Variants in MLF2 observed in about 807,000 individuals in gnomAD.
The protein encoded by MLF2 is myeloid leukemia factor 2, also known as myelodysplasia-myeloid leukemia factor 2.
Under a neutral mutation model 31.4 loss-of-function variants are expected in MLF2, and 12 were observed. That is an observed-to-expected ratio of 0.38 (90% CI 0.24 to 0.62). The LOEUF is 0.62. Among genes scored for constraint, MLF2 ranks in the 20% least tolerant of loss-of-function variants. The pLI, the probability that MLF2 is intolerant of heterozygous loss-of-function variation, is 0.58. For missense variants in MLF2, 272 were observed against 359.7 expected (o/e 0.76, Z 1.97); for synonymous variants, 109 against 118.8 (o/e 0.92, Z 0.54).
At chr12:6,751,845 T>A (rs1337360621) in intron 3 of MLF2, 80 bp downstream of exon 3, 5 of 1,589,980 alleles carry the variant, frequency 3.1e-6, no homozygotes, top group African/African-American at 1.3e-5. Flanking sequence ...CTCAGTTGGC[T>A]GTAGTGCAAG....
Position 6,750,220 on chromosome 12 carries a change from T to A in MLF2, c.356A>T (p.Lys119Met). The A allele has an allele frequency of 6.2e-7, 1 of 1,614,162 alleles. No homozygotes were observed. Among genetic ancestry groups the A allele is most frequent in the Non-Finnish European group, 8.5e-7 (1 of 1,180,030 alleles). Residue 119 changes from lysine (K) to methionine (M), a missense_variant, in exon 6 of 9, where the codon AAG becomes ATG. Lys to Met is a moderately conservative substitution (Grantham distance 95). Coordinates refer to ENST00000203630, the MANE Select transcript of MLF2 (RefSeq NM_001382226.1). This position sits in a 1 kb window ranked among gnomAD's most constrained non-coding sequence, Gnocchi z 5.3. The stretch of plus-strand genomic sequence containing the variant: ...CATCTCTGATGTCTCTTGGTAGACC[T>A]TGGGGGCACCATCACCCGTATTGGA... Reference protein sequence around the residue: ...SYSNTGDGAPKVYQETSEMRS... With the variant: ...SYSNTGDGAPMVYQETSEMRS...
chr12:6,751,301 T>C, intron 4 of MLF2: 1 of 304,342 alleles, frequency 3.3e-6, no homozygotes. Context: ...CACTGCAATC[T>C]CCACCTCCCG....
chr12:6,749,983 G>A lies in MLF2; in HGVS notation c.424C>T (p.Arg142Trp). 3 of 1,614,142 alleles carry A rather than the reference G, an allele frequency of 1.9e-6. No homozygotes were observed. Among genetic ancestry groups the A allele is most frequent in the Non-Finnish European group, 2.5e-6 (3 of 1,180,040 alleles). Reference sequence around the variant, plus strand: ...TGCTCCAGTCCACTGTCTGAATCCCGAACAGTCCTCCGTGTCTCCCGGATC... The same window carrying A: ...TGCTCCAGTCCACTGTCTGAATCCCAAACAGTCCTCCGTGTCTCCCGGATC... ...GGIRETRRTV[R>W]DSDSGLEQMS... Residue 142 changes from arginine to tryptophan, a missense_variant, in exon 7 of 9, where the codon CGG (arginine) becomes TGG (tryptophan). By Grantham distance (101) the Arg-to-Trp change is moderately radical. Transcript: ENST00000203630. This position sits in a 1 kb window ranked among gnomAD's most constrained non-coding sequence, Gnocchi z 5.3.
Position 6,748,645 on chromosome 12 carries a change from A to G in MLF2, c.*26-98T>C. ...TTTAATCCCCTATGTCAGTGAGAAC[A>G]TTGTTCTCTTTCCATGTCAACTTGT... is the stretch of plus-strand genomic sequence containing the variant. On this transcript the variant is annotated intron_variant, in intron 8 of 8. Transcript: ENST00000203630. This position sits in a 1 kb window ranked among gnomAD's most constrained non-coding sequence, Gnocchi z 4.6. 3 of 752,712 alleles carry G rather than the reference A, an allele frequency of 4.0e-6. No homozygotes were observed. The highest frequency in any genetic ancestry group is 6.3e-6 in the Non-Finnish European group (3 of 478,460). The allele number at this position is 752,712 out of a possible 1,614,324, so 46.6% of individuals were successfully genotyped here. A position where few individuals can be genotyped will look rare whatever the true frequency, so the allele number is the denominator to read the frequency against.
In MLF2 at chr12:6,750,952, C is replaced by T; in HGVS notation, c.217-186G>A. On this transcript the variant is annotated intron_variant, in intron 4 of 8. Transcript: ENST00000203630. The surrounding 1 kb of genome is among the most constrained non-coding windows in gnomAD (Gnocchi z 5.3). ...CTCATATTTCTCCTCCTGTGAACTG[C>T]TGACCCCTTCCTCAGTCTCTGTGAC... 1 of 598,820 alleles carries T rather than the reference C, an allele frequency of 1.7e-6. No homozygotes were observed. Among genetic ancestry groups the T allele is most frequent in the Non-Finnish European group, 3.0e-6 (1 of 329,378 alleles). 37.1% of individuals were successfully genotyped at this position (598,820 alleles called of 1,614,324 possible).
At position 6,748,756 on chromosome 12, in the gene MLF2, C is replaced by A; in HGVS notation, c.*25+14G>T. The A allele has an allele frequency of 6.7e-7, 1 of 1,488,074 alleles. No individual in the cohort carries two copies. Among genetic ancestry groups the A allele is most frequent in the African/African-American group, 1.5e-5 (1 of 68,610 alleles). 92.2% of individuals were successfully genotyped at this position (1,488,074 alleles called of 1,614,324 possible). On this transcript the variant is annotated intron_variant, in intron 8 of 8. Coordinates refer to ENST00000203630, the MANE Select transcript of MLF2 (RefSeq NM_001382226.1). The surrounding 1 kb of genome is among the most constrained non-coding windows in gnomAD (Gnocchi z 4.6). ...CCGCAGGTGCACCCCACCCTCCTTACTCCTGATACTTACAAGAGAGGCTGA... is the reference window on the plus strand; with the variant it reads ...CCGCAGGTGCACCCCACCCTCCTTAATCCTGATACTTACAAGAGAGGCTGA...
Position 6,753,133 on chromosome 12 carries a change from G to T in MLF2, c.-223C>A, listed in dbSNP as rs948847215. ...GGAGCCCGAACCTCGGCCAGGCCCGGGCGGAAGTGACGTCACGATAGACCC... is the reference window on the plus strand; with the variant it reads ...GGAGCCCGAACCTCGGCCAGGCCCGTGCGGAAGTGACGTCACGATAGACCC... On this transcript the variant is annotated 5_prime_UTR_variant, in exon 1 of 9. Transcript: ENST00000203630. 7.6e-6 allele frequency: 3 copies of T among 394,168 alleles called. No individual in the cohort carries two copies. The highest frequency in any genetic ancestry group is 3.6e-5 in the East Asian group (1 of 27,832). The allele number at this position is 394,168 out of a possible 1,614,324, so 24.4% of individuals were successfully genotyped here.
Position 6,748,598 on chromosome 12 carries a change from CG to C in MLF2, c.*26-52del, listed in dbSNP as rs1287798744. ...CAAGTCAAAAGGAAGAAAAAACTTACGTTAAGAGCCAGGAGTTGGGGTTTAA... is the reference window on the plus strand; with the variant it reads ...CAAGTCAAAAGGAAGAAAAAACTTACTTAAGAGCCAGGAGTTGGGGTTTAA... On this transcript the variant is annotated intron_variant, in intron 8 of 8. Coordinates refer to ENST00000203630, the MANE Select transcript of MLF2 (RefSeq NM_001382226.1). The surrounding 1 kb of genome is among the most constrained non-coding windows in gnomAD (Gnocchi z 4.6). The C allele has an allele frequency of 8.1e-6, 4 of 493,170 alleles. No homozygotes were observed. The East Asian group carries it at 1.4e-4, about 17-fold the overall frequency. The allele number at this position is 493,170 out of a possible 1,614,324, so 30.5% of individuals were successfully genotyped here.
At position 6,748,879 on chromosome 12, in the gene MLF2, TC is replaced by T; in HGVS notation, c.662del (p.Gly221AspfsTer64). The T allele has an allele frequency of 1.3e-6, 2 of 1,596,498 alleles. No homozygotes were observed. Among genetic ancestry groups the T allele is most frequent in the East Asian group, 2.3e-5 (1 of 43,436 alleles). The part of the protein sequence containing the change: ...FRRLESSGAG[G>X]RRAEGPPRLA... Reference sequence around the variant, plus strand: ...GGCGGGGAGGCCCCTCCGCCCTTCGTCCCCCAGCCCCTGAGGACTCAAGCCG... The same window carrying T: ...GGCGGGGAGGCCCCTCCGCCCTTCGTCCCCAGCCCCTGAGGACTCAAGCCG... On this transcript the variant is annotated frameshift_variant, in exon 8 of 9. Transcript: ENST00000203630. LOFTEE classifies it high-confidence loss of function. This position sits in a 1 kb window ranked among gnomAD's most constrained non-coding sequence, Gnocchi z 4.6.
In MLF2 at chr12:6,750,935, T is replaced by C. The variant is rs1941604489; in HGVS notation, c.217-169A>G. 5 of 642,192 alleles carry C rather than the reference T, an allele frequency of 7.8e-6. No individual in the cohort carries two copies. Among genetic ancestry groups the C allele is most frequent in the Non-Finnish European group, 1.1e-5 (4 of 355,750 alleles). 39.8% of individuals were successfully genotyped at this position (642,192 alleles called of 1,614,324 possible). A position where few individuals can be genotyped will look rare whatever the true frequency, so the allele number is the denominator to read the frequency against. ...TTAAAATAACCAGAATACTCATATT[T>C]CTCCTCCTGTGAACTGCTGACCCCT... is the stretch of plus-strand genomic sequence containing the variant. On this transcript the variant is annotated intron_variant, in intron 4 of 8. Coordinates refer to ENST00000203630, the MANE Select transcript of MLF2 (RefSeq NM_001382226.1). This position sits in a 1 kb window ranked among gnomAD's most constrained non-coding sequence, Gnocchi z 5.3.
At position 6,752,671 on chromosome 12, in the gene MLF2, T is replaced by G; in HGVS notation, c.-29+268A>C. The G allele has an allele frequency of 4.0e-6, 1 of 252,784 alleles. No individual in the cohort carries two copies. The highest frequency in any genetic ancestry group is 8.7e-5 in the East Asian group (1 of 11,522). The allele number at this position is 252,784 out of a possible 1,614,324, so 15.7% of individuals were successfully genotyped here. On this transcript the variant is annotated intron_variant, in intron 1 of 8. Coordinates refer to ENST00000203630, the MANE Select transcript of MLF2 (RefSeq NM_001382226.1). The surrounding 1 kb of genome is among the most constrained non-coding windows in gnomAD (Gnocchi z 4.6). ...CCCCTCCTCCCGCCGACGACACCGT[T>G]CTAGATGAGAATGCCAAGTGCAGGT...
Position 6,749,736 on chromosome 12 carries a change from A to AAAC in MLF2, c.559+111_559+112insGTT. On this transcript the variant is annotated intron_variant, in intron 7 of 8. Coordinates refer to ENST00000203630, the MANE Select transcript of MLF2 (RefSeq NM_001382226.1). The surrounding 1 kb of genome is among the most constrained non-coding windows in gnomAD (Gnocchi z 5.3). Reference sequence around the variant, plus strand: ...GAGACTCCATCTCAAAAAAAAAAAAAAAGGAATATGGGGCTGACCCAGAGC... The same window carrying AAAC: ...GAGACTCCATCTCAAAAAAAAAAAAAAACAAGGAATATGGGGCTGACCCAGAGC... 1 of 1,398,760 alleles carries AAAC rather than the reference A, an allele frequency of 7.1e-7. No homozygotes were observed. The highest frequency in any genetic ancestry group is 9.7e-7 in the Non-Finnish European group (1 of 1,029,098). 86.6% of individuals were successfully genotyped at this position (1,398,760 alleles called of 1,614,324 possible). A position where few individuals can be genotyped will look rare whatever the true frequency, so the allele number is the denominator to read the frequency against.
In MLF2 at chr12:6,752,439, G is replaced by C; in HGVS notation, c.-28-77C>G. ...CCCACTCAGTGTGGGGACTCTCAGA[G>C]CACTGTCCTTTCCAAATCCTGTAAC... On this transcript the variant is annotated intron_variant, in intron 1 of 8. Coordinates refer to ENST00000203630, the MANE Select transcript of MLF2 (RefSeq NM_001382226.1). This position sits in a 1 kb window ranked among gnomAD's most constrained non-coding sequence, Gnocchi z 4.6. The C allele has an allele frequency of 8.3e-7, 1 of 1,205,472 alleles. No individual in the cohort carries two copies. The highest frequency in any genetic ancestry group is 1.2e-6 in the Non-Finnish European group (1 of 847,656). 74.7% of individuals were successfully genotyped at this position (1,205,472 alleles called of 1,614,324 possible).
In MLF2 at chr12:6,752,174, G is replaced by A. The variant is rs1224986643; in HGVS notation, c.50+111C>T. ...CCGATGCCTACTTCCTGCTAGGTAG[G>A]AGCTAGGTATCCAGCCAGTTCCAAC... On this transcript the variant is annotated intron_variant, in intron 2 of 8. Coordinates refer to ENST00000203630, the MANE Select transcript of MLF2 (RefSeq NM_001382226.1). The surrounding 1 kb of genome is among the most constrained non-coding windows in gnomAD (Gnocchi z 4.6). The A allele has an allele frequency of 6.4e-7, 1 of 1,550,784 alleles. No homozygotes were observed. The highest frequency in any genetic ancestry group is 8.8e-7 in the Non-Finnish European group (1 of 1,139,256).
rs774549585 is a variant in MLF2, at chr12:6,750,046, T to TC, written c.400-40dup. On this transcript the variant is annotated intron_variant, in intron 6 of 8. Coordinates refer to ENST00000203630, the MANE Select transcript of MLF2 (RefSeq NM_001382226.1). The surrounding 1 kb of genome is among the most constrained non-coding windows in gnomAD (Gnocchi z 5.3). ...GAACGTGGCACACTCAGCCGCCCCT[T>TC]CCAAAGCCCTGCCTATACCATCTCA... 2 of 1,613,024 alleles carry TC rather than the reference T, an allele frequency of 1.2e-6. No homozygotes were observed. Among genetic ancestry groups the TC allele is most frequent in the South Asian group, 2.2e-5 (2 of 91,048 alleles).
At chr12:6,751,568 G>C in intron 4 of MLF2, 73 bp downstream of exon 4, 7 of 1,492,516 alleles carry the variant, frequency 4.7e-6, no homozygotes, top group Non-Finnish European at 6.5e-6. Context: ...TTCCTAAGAG[G>C]CACATTTGGG....
chr12:6,753,024 G>C lies in MLF2; in HGVS notation c.-114C>G, dbSNP rs1320273182. 2.8e-6 allele frequency: 1 copy of C among 358,578 alleles called. No individual in the cohort carries two copies. The highest frequency in any genetic ancestry group is 4.7e-5 in the Admixed American group (1 of 21,274). 22.2% of individuals were successfully genotyped at this position (358,578 alleles called of 1,614,324 possible). ...GGTCAGGGTCGCGGCCCGGAACGTG[G>C]GGATTGGTCCGGGCTTGAGCTCCTC... is the stretch of plus-strand genomic sequence containing the variant. On this transcript the variant is annotated 5_prime_UTR_variant, in exon 1 of 9. Coordinates refer to ENST00000203630, the MANE Select transcript of MLF2 (RefSeq NM_001382226.1).
chr12:6,751,227 T>G, intron 4 of MLF2: 1 of 235,828 alleles, frequency 4.2e-6, no homozygotes, highest in Non-Finnish European at 8.4e-6. Flanking sequence ...TTTTCTTTTT[T>G]TTTTTTTTGA....
rs1240846424 is a variant in MLF2, at chr12:6,752,162, C to CCTG, written c.51-111_51-109dup. On this transcript the variant is annotated intron_variant, in intron 2 of 8. Coordinates refer to ENST00000203630, the MANE Select transcript of MLF2 (RefSeq NM_001382226.1). The surrounding 1 kb of genome is among the most constrained non-coding windows in gnomAD (Gnocchi z 4.6). ...GCAACAGTGGCACCGATGCCTACTT[C>CCTG]CTGCTAGGTAGGAGCTAGGTATCCA... is the stretch of plus-strand genomic sequence containing the variant. 9.6e-6 allele frequency: 15 copies of CCTG among 1,563,844 alleles called. No individual in the cohort carries two copies. Among genetic ancestry groups the CCTG allele is most frequent in the Non-Finnish European group, 1.3e-5 (15 of 1,146,790 alleles).
Sources: allele counts gnomAD v4.1 joint callset, GRCh38; gene constraint gnomAD v4.1.1; non-coding constraint Gnocchi (gnomAD v3.1); transcripts MANE v1.5; gene names NCBI Gene and HGNC (gene_info 2026-07-23, HGNC 2026-07-21).